KCNK2: variants seen among roughly 807,000 people sequenced by gnomAD.
KCNK2 encodes the protein potassium channel subfamily K member 2.
In KCNK2, 21 loss-of-function variants were observed where a neutral mutation model predicts 40.5. The observed-to-expected ratio is 0.52, with a 90% CI of 0.37 to 0.75. KCNK2 has a LOEUF of 0.75. Among genes scored for constraint, KCNK2 ranks in the 30% least tolerant of loss-of-function variants. KCNK2 has a pLI of 0.00. For synonymous variants in KCNK2, 191 were observed against 202.2 expected, an observed-to-expected ratio of 0.94 and a Z score of 0.47; for missense variants, 399 against 531.6, an observed-to-expected ratio of 0.75 and a Z score of 2.45.
At chr1:215,045,386 A>T (rs1571867303) in intron 1 of KCNK2, among the ~76,000 whole-genome samples, 1 of 152,170 alleles carries the variant, frequency 6.6e-6, no homozygotes, top group South Asian at 2.1e-4. Flanking sequence ...ACTATTAATT[A>T]TGTCCCTGTA....
chr1:215,235,404 C>A lies in KCNK2; in HGVS notation c.*259C>A, dbSNP rs1666841860. On this transcript the variant is annotated 3_prime_UTR_variant, in exon 7 of 7. Transcript: ENST00000444842. ...TGTCTGATGCCTTTTTGTGCCCAGACTGTTTTCCTCTCTCTTTCCCTAATG... is the reference window on the plus strand; with the variant it reads ...TGTCTGATGCCTTTTTGTGCCCAGAATGTTTTCCTCTCTCTTTCCCTAATG... 4.9e-6 allele frequency: 2 copies of A among 406,928 alleles called. No individual in the cohort carries two copies. The highest frequency in any genetic ancestry group is 4.0e-5 in the Admixed American group (1 of 25,300). The allele number at this position is 406,928 out of a possible 1,614,324, so 25.2% of individuals were successfully genotyped here. A position where few individuals can be genotyped will look rare whatever the true frequency, so the allele number is the denominator to read the frequency against.
In KCNK2 at chr1:215,203,351, A is replaced by G. The variant is rs544695646; in HGVS notation, c.963+8259A>G. On this transcript the variant is annotated intron_variant, in intron 6 of 6. Transcript: ENST00000444842. Reference sequence around the variant, plus strand: ...AATGTCTAATCTCTTTTGAATCCCTATTTCTTTTTTGGTAAAATTAAGGTA... The same window carrying G: ...AATGTCTAATCTCTTTTGAATCCCTGTTTCTTTTTTGGTAAAATTAAGGTA... Among the ~76,000 whole-genome samples the G allele has an allele frequency of 1.2e-3, 177 of 152,136 alleles. 1 individual carries two copies. Among genetic ancestry groups the G allele is most frequent in the African/African-American group, 4.1e-3 (170 of 41,516 alleles).
intron 1 of KCNK2, among the ~76,000 whole-genome samples, chr1:215,041,145 A>G (rs1657548970): frequency 6.6e-6 from 1 of 152,234 alleles, no homozygotes; most frequent in Non-Finnish European, 1.5e-5. Context: ...TTAGAAGATT[A>G]TGCCTCATTT....
intron 3 of KCNK2, among the ~76,000 whole-genome samples, chr1:215,128,012 T>A (rs1661508440): frequency 6.6e-6 from 1 of 152,158 alleles, no homozygotes; most frequent in African/African-American, 2.4e-5. Flanking sequence ...TGTACATAGA[T>A]CAGTCAGGGA....
At chr1:215,010,157 A>C (rs1656326184) in intron 1 of KCNK2, among the ~76,000 whole-genome samples, 1 of 152,208 alleles carries the variant, frequency 6.6e-6, no homozygotes, top group Admixed American at 6.5e-5. Context: ...GGTATGAATA[A>C]GAGTTTCAGC....
chr1:215,192,341 T>C (rs1486291635), intron 5 of KCNK2, among the ~76,000 whole-genome samples: 17 of 152,298 alleles, frequency 1.1e-4, no homozygotes, highest in Middle Eastern at 3.4e-3. Context: ...AGCATTTTTT[T>C]CCCCTGGGCT....
At chr1:215,074,680 T>C (rs554983941) in intron 1 of KCNK2, among the ~76,000 whole-genome samples, 7 of 152,344 alleles carry the variant, frequency 4.6e-5, no homozygotes, top group African/African-American at 1.7e-4. Flanking sequence ...AGCATCACAT[T>C]TGATATAATT....
rs1558150247 is a variant in KCNK2, at chr1:215,230,511, A to ATATATATATATATATATATATATG, written c.964-4296_964-4295insATGTATATATATATATATATATAT. ...CACACACACACACACACGGCTGTAT[A>ATATATATATATATATATATATATG]TATATATATATATATATATATGTAT... On this transcript the variant is annotated intron_variant, in intron 6 of 6. Coordinates refer to ENST00000444842, the MANE Select transcript of KCNK2 (RefSeq NM_001017425.3). Among the ~76,000 whole-genome samples, 19 of 23,818 alleles carry ATATATATATATATATATATATATG rather than the reference A, an allele frequency of 8.0e-4. No individual in the cohort carries two copies. In the East Asian group the frequency reaches 0.073, roughly 91 times the overall value. The allele number at this position is 23,818 out of a possible 152,430, so 15.6% of individuals were successfully genotyped here. A position where few individuals can be genotyped will look rare whatever the true frequency, so the allele number is the denominator to read the frequency against.
At chr1:215,155,232 T>G (rs1163294972) in intron 3 of KCNK2, among the ~76,000 whole-genome samples, 1 of 152,164 alleles carries the variant, frequency 6.6e-6, no homozygotes, top group Admixed American at 6.5e-5. Context: ...TTATCAAATA[T>G]TAAATTCATT....
At chr1:215,153,139 C>T (rs1289117042) in intron 3 of KCNK2, among the ~76,000 whole-genome samples, 1 of 152,132 alleles carries the variant, frequency 6.6e-6, no homozygotes, top group East Asian at 1.9e-4. Flanking sequence ...AAAAGTGTTG[C>T]TTACTACAAG....
chr1:215,102,659 T>G (rs1660271656), intron 2 of KCNK2, among the ~76,000 whole-genome samples: 1 of 152,014 alleles, frequency 6.6e-6, no homozygotes, highest in Non-Finnish European at 1.5e-5. Context: ...CCAGAACAAC[T>G]TTCAGTCCTG....
At chr1:215,057,008 C>G (rs4655389) in intron 1 of KCNK2, among the ~76,000 whole-genome samples, 1 of 152,180 alleles carries the variant, frequency 6.6e-6, no homozygotes, top group African/African-American at 2.4e-5. Context: ...ATGACTTAAC[C>G]TCTATCTAGC....
At chr1:215,093,348 A>T (rs1404950933) in intron 2 of KCNK2, among the ~76,000 whole-genome samples, 1 of 142,528 alleles carries the variant, frequency 7.0e-6, no homozygotes, top group Non-Finnish European at 1.5e-5. Flanking sequence ...ATATACATAT[A>T]TATAAAATAT....
intron 3 of KCNK2, among the ~76,000 whole-genome samples, chr1:215,133,456 T>A (rs1661761320): frequency 6.6e-6 from 1 of 152,124 alleles, no homozygotes; most frequent in Non-Finnish European, 1.5e-5. Context: ...CCACCAGACA[T>A]CCAAGTATTG....
intron 3 of KCNK2, among the ~76,000 whole-genome samples, chr1:215,149,223 G>A (rs942157396): frequency 6.6e-6 from 1 of 152,206 alleles, no homozygotes; most frequent in African/African-American, 2.4e-5. Context: ...GGTTGTGGTG[G>A]TAAGGAGGTC....
rs1193623131 is a variant in KCNK2, at chr1:215,236,928, A to G, written c.*1783A>G. 1 of 152,618 alleles carries G rather than the reference A, an allele frequency of 6.6e-6. No individual in the cohort carries two copies. Among genetic ancestry groups the G allele is most frequent in the Non-Finnish European group, 1.5e-5 (1 of 68,028 alleles). 9.5% of individuals were successfully genotyped at this position (152,618 alleles called of 1,614,324 possible). On this transcript the variant is annotated 3_prime_UTR_variant, in exon 7 of 7. Transcript: ENST00000444842. Reference sequence around the variant, plus strand: ...CAATTAATTTGTTAAAAGTACTTTTATAAAGTTAAAAAAAATCCAACCAAA... The same window carrying G: ...CAATTAATTTGTTAAAAGTACTTTTGTAAAGTTAAAAAAAATCCAACCAAA...
chr1:215,085,384 A>G (rs1279093680), intron 1 of KCNK2, among the ~76,000 whole-genome samples: 1 of 152,130 alleles, frequency 6.6e-6, no homozygotes, highest in Non-Finnish European at 1.5e-5. Context: ...TCCTCTTAGC[A>G]AGTAGAAGTC....
chr1:215,145,100 A>G (rs1662356793), intron 3 of KCNK2, among the ~76,000 whole-genome samples: 1 of 152,136 alleles, frequency 6.6e-6, no homozygotes, highest in Non-Finnish European at 1.5e-5. Flanking sequence ...TGCTATCATC[A>G]TTAGCATCAT....
At chr1:215,162,097 C>CT (rs1286436074) in intron 3 of KCNK2, among the ~76,000 whole-genome samples, 2 of 152,120 alleles carry the variant, frequency 1.3e-5, no homozygotes, top group African/African-American at 4.8e-5. Flanking sequence ...TGTTTCCTGA[C>CT]TTTTTAACAA....
Sources: allele counts gnomAD v4.1 joint callset (sites outside exome capture counted in the v4.1 genomes callset), GRCh38; gene constraint gnomAD v4.1.1; transcripts MANE v1.5; gene names NCBI Gene and HGNC (gene_info 2026-07-23, HGNC 2026-07-21).